LARP4B: variants seen among roughly 807,000 people sequenced by gnomAD.
LARP4B encodes the protein La ribonucleoprotein 4B, also known as la-related protein 4B.
A neutral mutation model predicts 89.8 loss-of-function variants in LARP4B; 12 were observed. The ratio of observed to expected loss-of-function variants is 0.13; its 90% CI spans 0.09 to 0.22. The LOEUF is 0.22. LARP4B is among the 10% of genes least tolerant of loss of function. The pLI, the probability that LARP4B is intolerant of heterozygous loss-of-function variation, is 1.00. For missense variants in LARP4B, 757 were observed against 947.7 expected, an observed-to-expected ratio of 0.80 and a Z score of 2.64; for synonymous variants, 367 against 363.3, an observed-to-expected ratio of 1.01 and a Z score of -0.12.
At chr10:962,049 T>C in the LARP4B span, among the ~76,000 whole-genome samples, 1 of 152,046 alleles carries the variant, frequency 6.6e-6, no homozygotes, top group Admixed American at 6.6e-5. Flanking sequence ...TCCCAGCACT[T>C]TGGGAGGCCA....
chr10:880,560 C>A lies in LARP4B; in HGVS notation c.141+3887G>T, dbSNP rs2131913959. ...AATTAGCCAAGCATGGTGGTGCATG[C>A]CTGTAATTCCAGCTACTCAGAAGGC... is the stretch of plus-strand genomic sequence containing the variant. On this transcript the variant is annotated intron_variant, in intron 3 of 17. Coordinates refer to ENST00000316157, the MANE Select transcript of LARP4B (RefSeq NM_015155.3). Among the ~76,000 whole-genome samples the A allele has an allele frequency of 2.0e-5, 3 of 152,178 alleles. No individual in the cohort carries two copies. The South Asian group carries it at 6.2e-4, about 32-fold the overall frequency.
At chr10:977,021 T>C in the LARP4B span, among the ~76,000 whole-genome samples, 6 of 152,318 alleles carry the variant, frequency 3.9e-5, no homozygotes, top group East Asian at 1.2e-3. Context: ...GAACTCGCTT[T>C]CTTGTCTGCA....
intron 1 of LARP4B, among the ~76,000 whole-genome samples, chr10:908,210 C>G (rs1836548155): frequency 6.6e-6 from 1 of 152,112 alleles, no homozygotes; most frequent in South Asian, 2.1e-4. Flanking sequence ...AAGACTCCGA[C>G]CCAACAACAA....
the LARP4B span, among the ~76,000 whole-genome samples, chr10:937,217 A>G: frequency 6.6e-6 from 1 of 151,960 alleles, no homozygotes; most frequent in South Asian, 2.1e-4. Flanking sequence ...TAATTTTTGC[A>G]TTTTTTGTAG....
At chr10:826,999 G>A (rs966839599) in intron 11 of LARP4B, among the ~76,000 whole-genome samples, 2 of 152,198 alleles carry the variant, frequency 1.3e-5, no homozygotes, top group African/African-American at 2.4e-5. Context: ...ACATGGCCGG[G>A]CGCAGTGGCT....
At chr10:873,645 C>T (rs1001270160) in intron 3 of LARP4B, among the ~76,000 whole-genome samples, 1 of 151,582 alleles carries the variant, frequency 6.6e-6, no homozygotes, top group Non-Finnish European at 1.5e-5. Flanking sequence ...TCTAGCTTTA[C>T]GAAATGATGT....
chr10:908,894 C>T (rs1417129153), intron 1 of LARP4B, among the ~76,000 whole-genome samples: 6 of 152,214 alleles, frequency 3.9e-5, no homozygotes, highest in Middle Eastern at 3.4e-3. Context: ...GGTGAGGGGC[C>T]GACCCACCTC....
chr10:843,303 A>G (rs1833617959), intron 6 of LARP4B, among the ~76,000 whole-genome samples: 2 of 152,244 alleles, frequency 1.3e-5, no homozygotes, highest in Non-Finnish European at 2.9e-5. Context: ...ACTTTCTACA[A>G]TCAAAATTTA....
At chr10:870,883 A>C (rs1835166943) in intron 3 of LARP4B, among the ~76,000 whole-genome samples, 1 of 152,216 alleles carries the variant, frequency 6.6e-6, no homozygotes, top group African/African-American at 2.4e-5. Context: ...TAACACTTGG[A>C]CTGAAATGTG....
intron 5 of LARP4B, among the ~76,000 whole-genome samples, chr10:859,496 G>GA (rs1022546526): frequency 1.3e-5 from 2 of 152,120 alleles, no homozygotes; most frequent in African/African-American, 2.4e-5. Flanking sequence ...AACATACTCT[G>GA]ACCTTATGAT....
intron 8 of LARP4B, among the ~76,000 whole-genome samples, chr10:831,276 CTTTT>C (rs76857973): frequency 4.9e-5 from 6 of 121,924 alleles, no homozygotes; most frequent in Admixed American, 2.4e-4. Context: ...AACTGCACAA[CTTTT>C]TTTTTTTTTT....
chr10:813,234 G>A (rs1202306006), intron 17 of LARP4B, 21 bp from the exon 18 acceptor site: 1 of 1,584,850 alleles, frequency 6.3e-7, no homozygotes, highest in Non-Finnish European at 8.6e-7. Context: ...ACAATCCTGG[G>A]TTACCTGTGT....
intron 3 of LARP4B, among the ~76,000 whole-genome samples, chr10:881,885 C>T (rs983652980): frequency 6.6e-6 from 1 of 152,208 alleles, no homozygotes; most frequent in African/African-American, 2.4e-5. Context: ...AACAACCTCT[C>T]CATAGAAAAT....
At chr10:846,408 A>G (rs1833779792) in intron 5 of LARP4B, among the ~76,000 whole-genome samples, 1 of 152,200 alleles carries the variant, frequency 6.6e-6, no homozygotes, top group Non-Finnish European at 1.5e-5. Context: ...CCAGACAGGA[A>G]GTGCCATATG....
the LARP4B span, among the ~76,000 whole-genome samples, chr10:958,636 C>T: frequency 2.4e-4 from 37 of 152,194 alleles, no homozygotes; most frequent in Non-Finnish European, 2.9e-5. Context: ...TTTGTTAGCA[C>T]AAAAGTACCT....
the LARP4B span, among the ~76,000 whole-genome samples, chr10:968,195 C>G: frequency 6.6e-6 from 1 of 152,256 alleles, no homozygotes; most frequent in East Asian, 1.9e-4. Flanking sequence ...AACATGAAAC[C>G]TGGTAATTGG....
chr10:871,105 T>C (rs902914964), intron 3 of LARP4B, among the ~76,000 whole-genome samples: 6 of 152,264 alleles, frequency 3.9e-5, no homozygotes, highest in African/African-American at 1.4e-4. Context: ...CTATGTCATC[T>C]TCACTTGTCT....
chr10:818,089 G>A (rs1832158623), intron 14 of LARP4B, 200 bp from the exon 15 acceptor site: 2 of 533,972 alleles, frequency 3.7e-6, no homozygotes, highest in Non-Finnish European at 3.3e-6. Flanking sequence ...TCTCAAGGAT[G>A]CTGCTGCCCA....
At chr10:959,462 T>TCCACCTCCCCGTCAA in the LARP4B span, among the ~76,000 whole-genome samples, 1 of 21,676 alleles carries the variant, frequency 4.6e-5, no homozygotes, top group African/African-American at 1.5e-4. Context: ...TCCCCATCAA[T>TCCACCTCCCCGTCAA]CCACCTCCCC....
Sources: allele counts gnomAD v4.1 joint callset (sites outside exome capture counted in the v4.1 genomes callset), GRCh38; gene constraint gnomAD v4.1.1; transcripts MANE v1.5; gene names NCBI Gene and HGNC (gene_info 2026-07-23, HGNC 2026-07-21).